The following TMEM131L variants were observed in gnomAD, a reference collection of about 807,000 sequenced individuals.
TMEM131L encodes transmembrane 131 like, also known as transmembrane protein 131-like.
In TMEM131L, 54 loss-of-function variants were observed where a neutral mutation model predicts 192.2. That is an observed-to-expected ratio of 0.28 (90% CI 0.23 to 0.35). The LOEUF (loss-of-function observed/expected upper bound fraction) is 0.35. Among genes scored for constraint, TMEM131L ranks in the 10% least tolerant of loss-of-function variants. The pLI, the probability that TMEM131L is intolerant of heterozygous loss-of-function variation, is 1.00. For missense variants in TMEM131L, 1,888 were observed against 1,972.9 expected (o/e 0.96, Z 0.82); for synonymous variants, 701 against 704.9 (o/e 0.99, Z 0.09).
intron 7 of TMEM131L, among the ~76,000 whole-genome samples, chr4:153,566,134 A>G (rs1346582075): frequency 6.6e-6 from 1 of 151,510 alleles, no homozygotes; most frequent in African/African-American, 2.4e-5. Flanking sequence ...ACAATGTGGG[A>G]AACTTTTTTT....
chr4:153,624,411 G>A lies in TMEM131L; in HGVS notation c.4045+1328G>A, dbSNP rs925211771. Among the ~76,000 whole-genome samples the A allele has an allele frequency of 3.9e-5, 6 of 152,200 alleles. No homozygotes were observed. The South Asian group carries it at 6.2e-4, about 16-fold the overall frequency. The stretch of plus-strand genomic sequence containing the variant: ...CGGGATTACAGGCGTGGGCCACTGC[G>A]CCCGGCCTACTCAGCATTGTTATTT... On this transcript the variant is annotated intron_variant, in intron 29 of 34. Coordinates refer to ENST00000409959, the MANE Select transcript of TMEM131L (RefSeq NM_001131007.2).
Position 153,635,541 on chromosome 4 carries a change from C to G in TMEM131L, c.4527C>G (p.Ala1509=). 4 of 1,614,190 alleles carry G rather than the reference C, an allele frequency of 2.5e-6. No individual in the cohort carries two copies. Among genetic ancestry groups the G allele is most frequent in the Non-Finnish European group, 3.4e-6 (4 of 1,180,026 alleles). The change falls in exon 34 of 35, where the codon GCC becomes GCG. Residue 1509 remains alanine, a synonymous_variant. Coordinates refer to ENST00000409959, the MANE Select transcript of TMEM131L (RefSeq NM_001131007.2). ...ACACCCCACCCAACATGCCTGCTGCCTGGGGACATGCCAGTTTCATCAGCT... is the reference window on the plus strand; with the variant it reads ...ACACCCCACCCAACATGCCTGCTGCGTGGGGACATGCCAGTTTCATCAGCT... ...TWNTPPNMPA[A]WGHASFISSP...
intron 21 of TMEM131L, among the ~76,000 whole-genome samples, chr4:153,600,209 A>T (rs1731737417): frequency 6.6e-6 from 1 of 152,078 alleles, no homozygotes; most frequent in African/African-American, 2.4e-5. Context: ...TGCTAAGAAT[A>T]AGAGAAAATT....
intron 10 of TMEM131L, 113 bp from the exon 11 acceptor site, chr4:153,583,451 T>G: frequency 1.2e-6 from 1 of 816,940 alleles, no homozygotes; most frequent in Non-Finnish European, 2.1e-6. Flanking sequence ...GCACAGATGC[T>G]GAGCAGTTGC....
At chr4:153,627,196 C>T (rs58657703) in intron 30 of TMEM131L, among the ~76,000 whole-genome samples, 4,590 of 152,166 alleles carry the variant, frequency 0.03, 178 homozygotes, top group African/African-American at 0.084. Flanking sequence ...CTAGCCTAGG[C>T]ACACTCCCCA....
intron 3 of TMEM131L, among the ~76,000 whole-genome samples, chr4:153,532,797 C>T (rs1342669785): frequency 2.0e-5 from 3 of 152,074 alleles, no homozygotes; most frequent in African/African-American, 7.3e-5. Flanking sequence ...TGGACACAAT[C>T]TCATGAATTA....
intron 4 of TMEM131L, among the ~76,000 whole-genome samples, chr4:153,554,020 C>T (rs1412048659): frequency 1.3e-5 from 2 of 152,136 alleles, no homozygotes; most frequent in Non-Finnish European, 2.9e-5. Flanking sequence ...TGCTGTTTTG[C>T]ATTCTTATTT....
At chr4:153,611,375 TA>T (rs1310250381) in intron 25 of TMEM131L, among the ~76,000 whole-genome samples, 1 of 152,250 alleles carries the variant, frequency 6.6e-6, no homozygotes, top group Non-Finnish European at 1.5e-5. Flanking sequence ...ACTTTGACTG[TA>T]AAACTAATTA....
At chr4:153,546,491 G>C (rs1175503273) in intron 3 of TMEM131L, among the ~76,000 whole-genome samples, 1 of 152,160 alleles carries the variant, frequency 6.6e-6, no homozygotes, top group Admixed American at 6.5e-5. Context: ...TAGTTCTTGA[G>C]ATTTAAGTTA....
At chr4:153,633,989 C>T (rs776878231) in intron 32 of TMEM131L, among the ~76,000 whole-genome samples, 5 of 152,194 alleles carry the variant, frequency 3.3e-5, no homozygotes, top group Non-Finnish European at 7.3e-5. Flanking sequence ...CTAGTCCAGC[C>T]GTCCATCCTG....
At chr4:153,594,414 AT>A (rs1227103954) in intron 19 of TMEM131L, among the ~76,000 whole-genome samples, 1 of 151,782 alleles carries the variant, frequency 6.6e-6, no homozygotes, top group Non-Finnish European at 1.5e-5. Flanking sequence ...TGAAGATGCT[AT>A]TTGCCTGGGG....
chr4:153,621,558 G>A (rs1273574744), intron 27 of TMEM131L, 125 bp from the exon 28 acceptor site: 3 of 859,654 alleles, frequency 3.5e-6, no homozygotes, highest in East Asian at 2.6e-5. Flanking sequence ...CAGACCCAAA[G>A]AGAGGAGGAC....
At chr4:153,494,870 A>G (rs1208730045) in intron 3 of TMEM131L, among the ~76,000 whole-genome samples, 1 of 152,196 alleles carries the variant, frequency 6.6e-6, no homozygotes, top group Non-Finnish European at 1.5e-5. Flanking sequence ...AGACCAGTGC[A>G]TTGGGTGACC....
intron 3 of TMEM131L, among the ~76,000 whole-genome samples, chr4:153,539,876 C>T (rs1736637945): frequency 6.6e-6 from 1 of 151,746 alleles, no homozygotes; most frequent in South Asian, 2.1e-4. Flanking sequence ...TATGGGAGGC[C>T]GAGGCAGGCG....
chr4:153,505,020 C>A (rs1580091560), intron 3 of TMEM131L, among the ~76,000 whole-genome samples: 1 of 152,178 alleles, frequency 6.6e-6, no homozygotes, highest in East Asian at 1.9e-4. Flanking sequence ...GGCTCCTTGG[C>A]CTTTAGATGA....
intron 3 of TMEM131L, among the ~76,000 whole-genome samples, chr4:153,479,381 G>A (rs1307471805): frequency 1.3e-5 from 2 of 152,138 alleles, no homozygotes; most frequent in East Asian, 3.8e-4. Context: ...ACAGTAATAT[G>A]TTCCTTTGCT....
chr4:153,615,200 G>A (rs1209334820), intron 26 of TMEM131L, among the ~76,000 whole-genome samples: 1 of 152,214 alleles, frequency 6.6e-6, no homozygotes, highest in Non-Finnish European at 1.5e-5. Context: ...GAGTTGTGAA[G>A]ATTAAATGGG....
At chr4:153,602,011 TTGAGCTTATGTTGG>T (rs1359045690) in intron 21 of TMEM131L, 127 bp from the exon 22 acceptor site, 1 of 523,980 alleles carries the variant, frequency 1.9e-6, no homozygotes, top group African/African-American at 2.0e-5. Flanking sequence ...AAATCATTCT[TTGAGCTTATGTTGG>T]ATTTTTTTCG....
chr4:153,611,569 C>A (rs1732615032), intron 25 of TMEM131L, among the ~76,000 whole-genome samples: 1 of 152,168 alleles, frequency 6.6e-6, no homozygotes, highest in Admixed American at 6.5e-5. Context: ...TATCCTTTTC[C>A]ATTTCCAGAA....
Sources: allele counts gnomAD v4.1 joint callset (sites outside exome capture counted in the v4.1 genomes callset), GRCh38; gene constraint gnomAD v4.1.1; transcripts MANE v1.5; gene names NCBI Gene and HGNC (gene_info 2026-07-23, HGNC 2026-07-21).